The following CYB5RL variants were observed in gnomAD, a reference collection of about 807,000 sequenced individuals.
CYB5RL encodes the protein cytochrome b5 reductase like, also known as NADH-cytochrome b5 reductase-like.
A neutral mutation model predicts 37.5 loss-of-function variants in CYB5RL; 38 were observed. That is an observed-to-expected ratio of 1.01 (90% CI 0.78 to 1.33). The LOEUF (loss-of-function observed/expected upper bound fraction) is 1.33. CYB5RL is among the 40% of genes most tolerant of loss of function. CYB5RL has a pLI of 0.00. For missense variants in CYB5RL, 388 were observed against 394.4 expected (o/e 0.98, Z 0.14); for synonymous variants, 141 against 151.9 (o/e 0.93, Z 0.53).
intron 3 of CYB5RL, among the ~76,000 whole-genome samples, chr1:54,191,184 C>T (rs1037994375): frequency 6.6e-6 from 1 of 152,168 alleles, no homozygotes; most frequent in Non-Finnish European, 1.5e-5. Flanking sequence ...GTGGACGACC[C>T]TCATGCCTCA....
At chr1:54,199,433 T>C (rs866645359) in intron 1 of CYB5RL, among the ~76,000 whole-genome samples, 5 of 152,184 alleles carry the variant, frequency 3.3e-5, no homozygotes, top group South Asian at 2.1e-4. Context: ...AGGAAGTGTG[T>C]GTATCGCAGT....
intron 1 of CYB5RL, among the ~76,000 whole-genome samples, chr1:54,197,635 C>T (rs1644021115): frequency 6.6e-6 from 1 of 152,116 alleles, no homozygotes; most frequent in South Asian, 2.1e-4. Context: ...AGCATATATG[C>T]TAATCCGACT....
Position 54,174,497 on chromosome 1 carries a change from G to A in CYB5RL, c.*122C>T. 1.7e-6 allele frequency: 2 copies of A among 1,190,258 alleles called. No individual in the cohort carries two copies. Among genetic ancestry groups the A allele is most frequent in the South Asian group, 1.4e-5 (1 of 71,818 alleles). 73.7% of individuals were successfully genotyped at this position (1,190,258 alleles called of 1,614,324 possible). A position where few individuals can be genotyped will look rare whatever the true frequency, so the allele number is the denominator to read the frequency against. ...CTGAGCAGTAAAGACACTTGCCCAA[G>A]GTCACCTGGCAAATGAGCAGCAGGA... is the stretch of plus-strand genomic sequence containing the variant. On this transcript the variant is annotated 3_prime_UTR_variant, in exon 8 of 8. Coordinates refer to ENST00000534324, the MANE Select transcript of CYB5RL (RefSeq NM_001031672.4).
At chr1:54,178,513 C>T (rs1336293106) in intron 7 of CYB5RL, among the ~76,000 whole-genome samples, 1 of 152,130 alleles carries the variant, frequency 6.6e-6, no homozygotes, top group Admixed American at 6.5e-5. Context: ...AGAAGGGTTA[C>T]CTGAGTGAGC....
At chr1:54,180,762 A>C (rs1181800220) in intron 6 of CYB5RL, among the ~76,000 whole-genome samples, 1 of 152,132 alleles carries the variant, frequency 6.6e-6, no homozygotes, top group Non-Finnish European at 1.5e-5. Context: ...TTTCACCAAT[A>C]TAATCCTCAG....
chr1:54,171,556 C>T lies in CYB5RL; in HGVS notation c.*3063G>A, dbSNP rs1348455852. The T allele has an allele frequency of 5.0e-6, 2 of 403,260 alleles. No individual in the cohort carries two copies. The highest frequency in any genetic ancestry group is 1.0e-5 in the Non-Finnish European group (2 of 199,584). 25.0% of individuals were successfully genotyped at this position (403,260 alleles called of 1,614,324 possible). ...GCTTCTGCGACCAAGAATCTGTCCT[C>T]AGGCCCTCTAGTAGCTGTTGCCTTC... On this transcript the variant is annotated 3_prime_UTR_variant, in exon 8 of 8. Coordinates refer to ENST00000534324, the MANE Select transcript of CYB5RL (RefSeq NM_001031672.4).
Position 54,199,987 on chromosome 1 carries a change from C to A in CYB5RL, c.-234G>T. On this transcript the variant is annotated 5_prime_UTR_variant, in exon 1 of 8. Coordinates refer to ENST00000534324, the MANE Select transcript of CYB5RL (RefSeq NM_001031672.4). ...CCACGACCACTCACCTACTCGCCTG[C>A]GCTTCACCTCACGTGAGGATTTTCC... 3.9e-6 allele frequency: 2 copies of A among 518,620 alleles called. No individual in the cohort carries two copies. Among genetic ancestry groups the A allele is most frequent in the South Asian group, 2.8e-5 (1 of 36,024 alleles). 32.1% of individuals were successfully genotyped at this position (518,620 alleles called of 1,614,324 possible).
chr1:54,169,839 T>C lies in CYB5RL; in HGVS notation c.*4780A>G, dbSNP rs1047141922. ...TAAAAACCCCATCACCCCATCCCATTCCCTTCCACCTATCACCACAGGCCA... is the reference window on the plus strand; with the variant it reads ...TAAAAACCCCATCACCCCATCCCATCCCCTTCCACCTATCACCACAGGCCA... On this transcript the variant is annotated 3_prime_UTR_variant, in exon 8 of 8. Transcript: ENST00000534324. 2 of 152,154 alleles carry C rather than the reference T, an allele frequency of 1.3e-5. No individual in the cohort carries two copies. Among genetic ancestry groups the C allele is most frequent in the African/African-American group, 4.8e-5 (2 of 41,428 alleles). 9.4% of individuals were successfully genotyped at this position (152,154 alleles called of 1,614,324 possible). A position where few individuals can be genotyped will look rare whatever the true frequency, so the allele number is the denominator to read the frequency against.
chr1:54,187,471 G>A (rs1363912757), intron 5 of CYB5RL, among the ~76,000 whole-genome samples, 181 bp downstream of exon 5: 1 of 152,120 alleles, frequency 6.6e-6, no homozygotes, highest in Non-Finnish European at 1.5e-5. Flanking sequence ...CTCTCAGATT[G>A]CATCCTGCTC....
At chr1:54,194,675 C>T (rs1413852379) in intron 3 of CYB5RL, among the ~76,000 whole-genome samples, 2 of 152,118 alleles carry the variant, frequency 1.3e-5, no homozygotes, top group Non-Finnish European at 2.9e-5. Context: ...GATTACGATG[C>T]CAGATGGCAT....
intron 6 of CYB5RL, among the ~76,000 whole-genome samples, chr1:54,183,198 C>T (rs78412069): frequency 2.6e-5 from 4 of 152,164 alleles, no homozygotes; most frequent in Admixed American, 2.6e-4. Flanking sequence ...GGATATTATT[C>T]TATCAAGTAC....
intron 5 of CYB5RL, chr1:54,185,703 T>C (rs1248443280): frequency 6.6e-6 from 1 of 152,276 alleles, no homozygotes; most frequent in Admixed American, 6.5e-5. Context: ...CTTTGTTTTC[T>C]GGCCCCTATC....
chr1:54,174,979 A>G (rs1053339467), intron 7 of CYB5RL, among the ~76,000 whole-genome samples, 157 bp from the exon 8 acceptor site: 5 of 152,092 alleles, frequency 3.3e-5, no homozygotes, highest in Non-Finnish European at 2.9e-5. Flanking sequence ...TTTCCTCCTT[A>G]TCTCCAAAAC....
intron 5 of CYB5RL, chr1:54,184,500 A>G (rs1191355330): frequency 2.1e-6 from 1 of 471,268 alleles, no homozygotes; most frequent in Non-Finnish European, 3.8e-6. Flanking sequence ...TAGGACCTAA[A>G]GCCTTCAGCA....
At position 54,195,503 on chromosome 1, in the gene CYB5RL, A is replaced by C; in HGVS notation, c.114T>G (p.Phe38Leu). The change falls in exon 3 of 8, where the codon TTT becomes TTG. Residue 38 changes from phenylalanine to leucine, a missense_variant. By Grantham distance (22) the Phe-to-Leu change is conservative. Coordinates refer to ENST00000534324, the MANE Select transcript of CYB5RL (RefSeq NM_001031672.4). ...TTGCCAGATCTCGGTGATAGAGGTC[A>C]AACACACAGGGTGAGCAGCCACTGC... ...CCGSGCSPCV[F>L]DLYHRDLARW... is the part of the protein sequence containing the mutation. 6.2e-7 allele frequency: 1 copy of C among 1,613,384 alleles called. No individual in the cohort carries two copies. The highest frequency in any genetic ancestry group is 8.5e-7 in the Non-Finnish European group (1 of 1,179,632).
chr1:54,197,086 T>G (rs1452490559), intron 1 of CYB5RL, among the ~76,000 whole-genome samples: 1 of 151,974 alleles, frequency 6.6e-6, no homozygotes, highest in Non-Finnish European at 1.5e-5. Context: ...AGAAGAGAGT[T>G]TGGTTTCAGG....
At chr1:54,177,039 A>G (rs1326265328) in intron 7 of CYB5RL, among the ~76,000 whole-genome samples, 2 of 152,212 alleles carry the variant, frequency 1.3e-5, no homozygotes, top group African/African-American at 2.4e-5. Flanking sequence ...GACCCATGAC[A>G]TCAGGCCACA....
At chr1:54,197,761 C>G (rs1644022316) in intron 1 of CYB5RL, among the ~76,000 whole-genome samples, 1 of 152,092 alleles carries the variant, frequency 6.6e-6, no homozygotes, top group South Asian at 2.1e-4. Context: ...GTGGCTCATT[C>G]CTGTAATCCC....
At chr1:54,188,159 C>A (rs1329393397) in intron 4 of CYB5RL, among the ~76,000 whole-genome samples, 1 of 152,148 alleles carries the variant, frequency 6.6e-6, no homozygotes, top group Non-Finnish European at 1.5e-5. Context: ...GAGAGGCAGG[C>A]AAGATGCAAC....
Sources: allele counts gnomAD v4.1 joint callset (sites outside exome capture counted in the v4.1 genomes callset), GRCh38; gene constraint gnomAD v4.1.1; transcripts MANE v1.5; gene names NCBI Gene and HGNC (gene_info 2026-07-23, HGNC 2026-07-21).